The following GALNTL6 variants were observed in gnomAD, a reference collection of about 807,000 sequenced individuals.
The protein encoded by GALNTL6 is polypeptide N-acetylgalactosaminyltransferase-like 6.
GALNTL6 carries 46 observed loss-of-function variants against 73.7 expected under a neutral mutation model. The ratio of observed to expected loss-of-function variants is 0.62; its 90% CI spans 0.49 to 0.80. The LOEUF (loss-of-function observed/expected upper bound fraction) is 0.80. Among genes scored for constraint, GALNTL6 ranks in the 30% least tolerant of loss-of-function variants. The probability of loss-of-function intolerance (pLI) is 0.00; values close to 1 mark genes in which losing one functional copy is unlikely to be tolerated. For synonymous variants in GALNTL6, 259 were observed against 263.7 expected (o/e 0.98, Z 0.17); for missense variants, 604 against 755.0 (o/e 0.80, Z 2.34).
intron 5 of GALNTL6, among the ~76,000 whole-genome samples, chr4:172,645,252 G>A (rs1424346266): frequency 6.6e-6 from 1 of 151,602 alleles, no homozygotes; most frequent in Non-Finnish European, 1.5e-5. Context: ...TTGAATGTCT[G>A]TATTTAAGAA....
At chr4:172,239,184 C>A (rs1737336837) in intron 3 of GALNTL6, among the ~76,000 whole-genome samples, 1 of 152,146 alleles carries the variant, frequency 6.6e-6, no homozygotes, top group East Asian at 1.9e-4. Context: ...GGTACCAATT[C>A]TTTGTATGTC....
chr4:171,996,767 A>G (rs1392222442), intron 2 of GALNTL6, among the ~76,000 whole-genome samples: 2 of 150,300 alleles, frequency 1.3e-5, no homozygotes, highest in Non-Finnish European at 3.0e-5. Context: ...AAGAAAGTCT[A>G]CCCACTATGT....
At chr4:172,452,280 C>T (rs1732241842) in intron 5 of GALNTL6, among the ~76,000 whole-genome samples, 1 of 151,582 alleles carries the variant, frequency 6.6e-6, no homozygotes, top group South Asian at 2.1e-4. Context: ...AAAAAAAAGA[C>T]ACACACACAT....
At chr4:172,881,476 TGAA>T (rs1307836485) in intron 7 of GALNTL6, among the ~76,000 whole-genome samples, 2 of 152,188 alleles carry the variant, frequency 1.3e-5, no homozygotes, top group African/African-American at 4.8e-5. Context: ...ATTCCTAGAC[TGAA>T]GTAATTAAAT....
chr4:172,548,997 TTATTTATATTG>T (rs1475242487), intron 5 of GALNTL6, among the ~76,000 whole-genome samples: 1 of 152,152 alleles, frequency 6.6e-6, no homozygotes, highest in African/African-American at 2.4e-5. Flanking sequence ...GTTTTGTTTG[TTATTTATATTG>T]TATTTTAATT....
At chr4:171,832,533 T>C (rs1434850887) in intron 2 of GALNTL6, among the ~76,000 whole-genome samples, 1 of 151,528 alleles carries the variant, frequency 6.6e-6, no homozygotes, top group Non-Finnish European at 1.5e-5. Flanking sequence ...TATCTACTTA[T>C]ATAATTTGTT....
At chr4:172,487,132 A>AT (rs1333927599) in intron 5 of GALNTL6, among the ~76,000 whole-genome samples, 14 of 152,072 alleles carry the variant, frequency 9.2e-5, no homozygotes, top group South Asian at 6.2e-4. Context: ...TTCAAGTATA[A>AT]TAAAAAAAAC....
At chr4:172,970,409 A>G (rs1457983384) in intron 10 of GALNTL6, among the ~76,000 whole-genome samples, 1 of 152,204 alleles carries the variant, frequency 6.6e-6, no homozygotes, top group Non-Finnish European at 1.5e-5. Flanking sequence ...TAAGACAGAC[A>G]ATCCCAGAGT....
intron 5 of GALNTL6, among the ~76,000 whole-genome samples, chr4:172,730,298 G>T (rs936981044): frequency 6.6e-6 from 1 of 152,144 alleles, no homozygotes; most frequent in African/African-American, 2.4e-5. Flanking sequence ...GGGAATCCTT[G>T]TCTTGTTCCA....
chr4:172,480,324 A>G (rs1484081367), intron 5 of GALNTL6, among the ~76,000 whole-genome samples: 2 of 152,102 alleles, frequency 1.3e-5, no homozygotes, highest in Non-Finnish European at 2.9e-5. Flanking sequence ...AAAAAGAAAA[A>G]AAAAAAGTCA....
chr4:172,470,545 T>C (rs1733006893), intron 5 of GALNTL6, among the ~76,000 whole-genome samples: 2 of 152,172 alleles, frequency 1.3e-5, no homozygotes, highest in Non-Finnish European at 1.5e-5. Context: ...TGAAACCTGG[T>C]AAGCACAGTC....
chr4:172,657,875 G>T (rs1236771843), intron 5 of GALNTL6, among the ~76,000 whole-genome samples: 2 of 152,178 alleles, frequency 1.3e-5, no homozygotes, highest in South Asian at 2.1e-4. Context: ...TGGGGGCCGG[G>T]CGCCGTGGCT....
At chr4:172,846,193 A>G (rs1743496539) in intron 7 of GALNTL6, among the ~76,000 whole-genome samples, 1 of 152,302 alleles carries the variant, frequency 6.6e-6, no homozygotes, top group African/African-American at 2.4e-5. Context: ...GCATTTTCCT[A>G]AAGAAAATCA....
chr4:172,214,173 A>T (rs1283696924), intron 2 of GALNTL6, among the ~76,000 whole-genome samples: 1 of 152,122 alleles, frequency 6.6e-6, no homozygotes, highest in Non-Finnish European at 1.5e-5. Flanking sequence ...TATTCTTGTG[A>T]CAATACCATG....
intron 5 of GALNTL6, among the ~76,000 whole-genome samples, chr4:172,772,526 T>A (rs1196723806): frequency 1.3e-5 from 2 of 152,194 alleles, no homozygotes; most frequent in Non-Finnish European, 2.9e-5. Flanking sequence ...AGGCCAGGGT[T>A]TTTTACAGGA....
chr4:172,715,845 C>A (rs969393355), intron 5 of GALNTL6, among the ~76,000 whole-genome samples: 4 of 152,298 alleles, frequency 2.6e-5, no homozygotes, highest in South Asian at 2.1e-4. Flanking sequence ...ATGCAAAGAA[C>A]TACATATGAC....
intron 5 of GALNTL6, among the ~76,000 whole-genome samples, chr4:172,784,339 C>A (rs1560950394): frequency 6.6e-6 from 1 of 151,928 alleles, no homozygotes; most frequent in Non-Finnish European, 1.5e-5. Flanking sequence ...AGTAAAATAT[C>A]AAAACAATAA....
chr4:172,066,112 C>T (rs904648020), intron 2 of GALNTL6, among the ~76,000 whole-genome samples: 1 of 152,130 alleles, frequency 6.6e-6, no homozygotes, highest in African/African-American at 2.4e-5. Context: ...ACCCAAAGTC[C>T]ATTGTTTACA....
intron 2 of GALNTL6, among the ~76,000 whole-genome samples, chr4:171,958,138 A>C (rs1460099437): frequency 6.6e-6 from 1 of 152,176 alleles, no homozygotes; most frequent in African/African-American, 2.4e-5. Flanking sequence ...ACCTCTTCCT[A>C]GTGATTACTG....
Sources: gnomAD v4.1 joint callset for allele counts (sites outside exome capture counted in the v4.1 genomes callset) on GRCh38, gnomAD v4.1.1 for gene constraint, MANE v1.5 for transcripts, NCBI Gene and HGNC (gene_info 2026-07-23, HGNC 2026-07-21) for gene names.